Variants in ENY2 observed in about 807,000 individuals in gnomAD.
ENY2 encodes ENY2 transcription and export complex 2 subunit.
Under a neutral mutation model 15.9 loss-of-function variants are expected in ENY2, and 4 were observed. That is an observed-to-expected ratio of 0.25 (90% confidence interval 0.12 to 0.57). The LOEUF (loss-of-function observed/expected upper bound fraction) is 0.57, where lower values mean the gene tolerates loss of function less well. Among genes scored for constraint, ENY2 ranks in the 20% least tolerant of loss-of-function variants. The pLI, the probability that ENY2 is intolerant of heterozygous loss-of-function variation, is 0.91. For synonymous variants in ENY2, 48 were observed against 38.0 expected (o/e 1.26, Z -0.97); for missense variants, 54 against 117.2 (o/e 0.46, Z 2.49).
Position 109,340,594 on chromosome 8 carries a change from A to G in ENY2, c.229+31A>G, listed in dbSNP as rs939622221. 4 of 1,606,866 alleles carry G rather than the reference A, an allele frequency of 2.5e-6. No individual in the cohort carries two copies. In the African/African-American group the frequency reaches 5.4e-5, roughly 22 times the overall value. ...GAATACAGAGTTTGTTAAAGGAAAC[A>G]TGCTGCAGACATGATTTTTTTAAAA... On this transcript the variant is annotated intron_variant, in intron 4 of 4. Transcript: ENST00000521688.
chr8:109,340,131 G>A (rs886674929), intron 3 of ENY2, among the ~76,000 whole-genome samples: 3 of 152,068 alleles, frequency 2.0e-5, no homozygotes, highest in Non-Finnish European at 4.4e-5. Context: ...TTAGATCATC[G>A]TGAATATTAA....
chr8:109,336,871 C>T (rs748416936), intron 2 of ENY2, among the ~76,000 whole-genome samples: 20 of 151,950 alleles, frequency 1.3e-4, no homozygotes, highest in Admixed American at 3.9e-4. Flanking sequence ...AAAGAAGGGG[C>T]TGAGGAATCA....
In ENY2 at chr8:109,344,786, ATTGTC is replaced by A; in HGVS notation, c.*1308_*1312del. 6.6e-6 allele frequency: 1 copy of A among 152,258 alleles called. No homozygotes were observed. Among genetic ancestry groups the A allele is most frequent in the East Asian group, 1.9e-4 (1 of 5,172 alleles). The allele number at this position is 152,258 out of a possible 1,614,324, so 9.4% of individuals were successfully genotyped here. Reference sequence around the variant, plus strand: ...AAATTATCCACTACGTGCCCTCGTAATTGTCTTAGTTCAAGCCCAGATTATTGTAG... The same window carrying A: ...AAATTATCCACTACGTGCCCTCGTAATTAGTTCAAGCCCAGATTATTGTAG... On this transcript the variant is annotated 3_prime_UTR_variant, in exon 5 of 5. Coordinates refer to ENST00000521688, the MANE Select transcript of ENY2 (RefSeq NM_020189.6).
At position 109,344,139 on chromosome 8, in the gene ENY2, TA is replaced by T. The variant is rs1188181905; in HGVS notation, c.*659del. The T allele has an allele frequency of 1.3e-5, 2 of 152,236 alleles. No homozygotes were observed. The highest frequency in any genetic ancestry group is 4.8e-5 in the African/African-American group (2 of 41,464). The allele number at this position is 152,236 out of a possible 1,614,324, so 9.4% of individuals were successfully genotyped here. A position where few individuals can be genotyped will look rare whatever the true frequency, so the allele number is the denominator to read the frequency against. ...GGAATTAATCTCCACCCATTAGCTT[TA>T]CCCTGACATCAGGATTGCCAAATCC... On this transcript the variant is annotated 3_prime_UTR_variant, in exon 5 of 5. Transcript: ENST00000521688.
In ENY2 at chr8:109,344,212, A is replaced by G; in HGVS notation, c.*731A>G. ...ACGTGACTTCTGCTGGAAAATGCGA[A>G]TGTTGACCATCCTGCCACTTGGAAC... is the stretch of plus-strand genomic sequence containing the variant. On this transcript the variant is annotated 3_prime_UTR_variant, in exon 5 of 5. Coordinates refer to ENST00000521688, the MANE Select transcript of ENY2 (RefSeq NM_020189.6). 1 of 152,340 alleles carries G rather than the reference A, an allele frequency of 6.6e-6. No individual in the cohort carries two copies. The highest frequency in any genetic ancestry group is 1.5e-5 in the Non-Finnish European group (1 of 68,090). 9.4% of individuals were successfully genotyped at this position (152,340 alleles called of 1,614,324 possible). A position where few individuals can be genotyped will look rare whatever the true frequency, so the allele number is the denominator to read the frequency against.
intron 3 of ENY2, among the ~76,000 whole-genome samples, chr8:109,339,932 G>A (rs1445108232): frequency 1.3e-5 from 2 of 152,088 alleles, no homozygotes; most frequent in Admixed American, 6.5e-5. Context: ...CATTGTAATG[G>A]TTTCTACAAA....
At chr8:109,343,315 G>T in intron 4 of ENY2, 90 bp from the exon 5 acceptor site, 1 of 953,080 alleles carries the variant, frequency 1.0e-6, no homozygotes, top group Non-Finnish European at 1.5e-6. Context: ...AAATTCTTAT[G>T]TTGTTTACCC....
chr8:109,335,793 T>G (rs2980570), intron 1 of ENY2: 1 of 179,352 alleles, frequency 5.6e-6, no homozygotes, highest in Non-Finnish European at 1.2e-5. Flanking sequence ...GCTCCTAGGG[T>G]CAAAGTACTT....
At chr8:109,336,067 A>T in intron 1 of ENY2, 61 bp from the exon 2 acceptor site, 2 of 1,508,010 alleles carry the variant, frequency 1.3e-6, no homozygotes, top group Non-Finnish European at 1.8e-6. Flanking sequence ...GCCTGCCTAG[A>T]GGATTTAGCA....
In ENY2 at chr8:109,344,393, C is replaced by A. The variant is rs769468274; in HGVS notation, c.*912C>A. The A allele has an allele frequency of 6.6e-6, 1 of 152,164 alleles. No individual in the cohort carries two copies. The highest frequency in any genetic ancestry group is 6.6e-5 in the Admixed American group (1 of 15,266). The allele number at this position is 152,164 out of a possible 1,614,324, so 9.4% of individuals were successfully genotyped here. On this transcript the variant is annotated 3_prime_UTR_variant, in exon 5 of 5. Coordinates refer to ENST00000521688, the MANE Select transcript of ENY2 (RefSeq NM_020189.6). The stretch of plus-strand genomic sequence containing the variant: ...ACTAACTGGATATACTTTTCCTGAG[C>A]AAATCCCAGGAAACTTGCGTCAGAC...
chr8:109,343,419 A>G lies in ENY2; in HGVS notation c.244A>G (p.Ser82Gly). Residue 82 changes from serine (S) to glycine (G), a missense_variant, in exon 5 of 5, where the codon AGT (serine) becomes GGT (glycine). Physicochemically the swap from Ser to Gly is moderately conservative, Grantham distance 56. Transcript: ENST00000521688. ...TTGTTTTTCAGCCCTGGTACCTGAC[A>G]GTGTAAAGAAGGAGCTCCTACAAAG... is the stretch of plus-strand genomic sequence containing the variant. ...TPKGRALVPD[S>G]VKKELLQRIR... 6.2e-7 allele frequency: 1 copy of G among 1,611,164 alleles called. No homozygotes were observed. The highest frequency in any genetic ancestry group is 8.5e-7 in the Non-Finnish European group (1 of 1,178,946).
At chr8:109,335,901 G>T in intron 1 of ENY2, 1 of 352,336 alleles carries the variant, frequency 2.8e-6, no homozygotes, top group African/African-American at 2.1e-5. Flanking sequence ...GTAACAATAC[G>T]TTCTGGGAAT....
At chr8:109,336,553 C>T (rs982001868) in intron 2 of ENY2, 4 of 190,900 alleles carry the variant, frequency 2.1e-5, no homozygotes, top group Non-Finnish European at 3.3e-5. Context: ...AACCTTGGAG[C>T]AGCAAGTGCT....
Position 109,345,566 on chromosome 8 carries a change from A to T in ENY2, c.*2085A>T, listed in dbSNP as rs1461137448. ...TCTTATAAAACAATGTTCTAAAGTAAGTGATAGGGATGCTCATCATTCTGC... is the reference window on the plus strand; with the variant it reads ...TCTTATAAAACAATGTTCTAAAGTATGTGATAGGGATGCTCATCATTCTGC... On this transcript the variant is annotated 3_prime_UTR_variant, in exon 5 of 5. Transcript: ENST00000521688. 1 of 152,206 alleles carries T rather than the reference A, an allele frequency of 6.6e-6. No homozygotes were observed. The highest frequency in any genetic ancestry group is 1.9e-4 in the East Asian group (1 of 5,196). The allele number at this position is 152,206 out of a possible 1,614,324, so 9.4% of individuals were successfully genotyped here. A position where few individuals can be genotyped will look rare whatever the true frequency, so the allele number is the denominator to read the frequency against.
intron 4 of ENY2, among the ~76,000 whole-genome samples, chr8:109,342,206 TAA>T (rs1816132496): frequency 6.7e-6 from 1 of 149,290 alleles, no homozygotes; most frequent in African/African-American, 2.5e-5. Context: ...TCTGAATAGA[TAA>T]TAGTCAAATG....
At chr8:109,334,526 C>T in intron 1 of ENY2, 52 bp downstream of exon 1, 1 of 1,592,844 alleles carries the variant, frequency 6.3e-7, no homozygotes, top group Non-Finnish European at 8.5e-7. Flanking sequence ...AGCCCAGGCT[C>T]CTTTCGATGT....
At chr8:109,336,052 A>G (rs1815975619) in intron 1 of ENY2, 76 bp from the exon 2 acceptor site, 6 of 1,330,702 alleles carry the variant, frequency 4.5e-6, no homozygotes, top group Non-Finnish European at 6.4e-6. Flanking sequence ...TAAACATGTT[A>G]GGATGCCTGC....
intron 2 of ENY2, among the ~76,000 whole-genome samples, chr8:109,337,016 A>G (rs1433172957): frequency 1.4e-5 from 2 of 137,934 alleles, no homozygotes; most frequent in African/African-American, 5.4e-5. Context: ...GATCTCACAC[A>G]ATAAGAAAAA....
At chr8:109,342,460 AGTTT>A (rs1464727209) in intron 4 of ENY2, among the ~76,000 whole-genome samples, 3 of 149,778 alleles carry the variant, frequency 2.0e-5, no homozygotes, top group Non-Finnish European at 4.4e-5. Flanking sequence ...ATGTTTATAT[AGTTT>A]ATGTATGTAT....
Sources: gnomAD v4.1 joint callset for allele counts (sites outside exome capture counted in the v4.1 genomes callset) on GRCh38, gnomAD v4.1.1 for gene constraint, MANE v1.5 for transcripts, NCBI Gene and HGNC (gene_info 2026-07-23, HGNC 2026-07-21) for gene names.